THADA: variants seen among roughly 807,000 people sequenced by gnomAD.
The protein encoded by THADA is THADA armadillo repeat containing.
A neutral mutation model predicts 219.8 loss-of-function variants in THADA; 213 were observed. That is an observed-to-expected ratio of 0.97 (90% confidence interval 0.87 to 1.09). The LOEUF (loss-of-function observed/expected upper bound fraction) is 1.09. Ranked by LOEUF, THADA falls within the 50% of genes least tolerant of loss-of-function variation. The pLI, the probability that THADA is intolerant of heterozygous loss-of-function variation, is 0.00. For missense variants in THADA, 2,956 were observed against 2,311.3 expected (o/e 1.28, Z -5.72); for synonymous variants, 1,018 against 828.9 (o/e 1.23, Z -3.92).
In THADA at chr2:43,296,870, C is replaced by T. The variant is rs923083571; in HGVS notation, c.4439-3657G>A. ...GCCCGGGAGGCAGCGGCTGGAGGAGCGGACGGGCCCCGCGGGGCCCGAGGG... is the reference window on the plus strand; with the variant it reads ...GCCCGGGAGGCAGCGGCTGGAGGAGTGGACGGGCCCCGCGGGGCCCGAGGG... On this transcript the variant is annotated intron_variant, in intron 31 of 37. Transcript: ENST00000405975. 6.6e-5 allele frequency among the ~76,000 whole-genome samples: 10 copies of T among 151,448 alleles called. No individual in the cohort carries two copies. In the South Asian group the frequency reaches 1.5e-3, roughly 22 times the overall value.
chr2:43,536,602 G>A (rs750122554), intron 21 of THADA, among the ~76,000 whole-genome samples: 3 of 151,992 alleles, frequency 2.0e-5, no homozygotes, highest in Admixed American at 6.6e-5. Flanking sequence ...TGGACTCACA[G>A]GGTATAAATT....
chr2:43,288,828 T>C (rs1342236314), intron 34 of THADA, among the ~76,000 whole-genome samples: 1 of 152,266 alleles, frequency 6.6e-6, no homozygotes, highest in African/African-American at 2.4e-5. Flanking sequence ...TTCACTCATT[T>C]AAAGTGGCCA....
chr2:43,230,967 C>G lies in THADA; in HGVS notation c.5843G>C (p.Arg1948Thr). The part of the protein sequence containing the change: ...YAESRQLTLP[R>T]TEAAC ...TTTTCTTCAACATGCCGCTTCTGTT[C>G]TTGGAAGAGTTAACTGCCTCGATTC... The change falls in exon 38 of 38, where the codon AGA becomes ACA. Residue 1948 changes from arginine to threonine, a missense_variant. Physicochemically the swap from Arg to Thr is moderately conservative, Grantham distance 71. Coordinates refer to ENST00000405975, the MANE Select transcript of THADA (RefSeq NM_022065.5). 6.2e-7 allele frequency: 1 copy of G among 1,611,268 alleles called. No homozygotes were observed. The highest frequency in any genetic ancestry group is 8.5e-7 in the Non-Finnish European group (1 of 1,177,722).
At chr2:43,500,398 T>C (rs951980410) in intron 24 of THADA, among the ~76,000 whole-genome samples, 1 of 152,164 alleles carries the variant, frequency 6.6e-6, no homozygotes, top group East Asian at 1.9e-4. Context: ...TCTGTATATG[T>C]ACTATAATTC....
chr2:43,486,784 GC>G (rs896993085), intron 25 of THADA: 4 of 152,146 alleles, frequency 2.6e-5, no homozygotes, highest in Admixed American at 6.6e-5. Flanking sequence ...TTCAAGAGAA[GC>G]CAGGAACCCT....
chr2:43,340,136 G>C (rs1295763335), intron 30 of THADA, among the ~76,000 whole-genome samples: 19 of 152,104 alleles, frequency 1.2e-4, no homozygotes, highest in Admixed American at 9.8e-4. Context: ...AACTGCTTTA[G>C]ACAGTAAACT....
chr2:43,576,401 G>A (rs1185217983), intron 10 of THADA, among the ~76,000 whole-genome samples: 1 of 152,058 alleles, frequency 6.6e-6, no homozygotes, highest in East Asian at 1.9e-4. Context: ...GCTGTTTCAG[G>A]TTCTTATTAG....
intron 16 of THADA, 81 bp downstream of exon 16, chr2:43,560,153 T>G: frequency 8.0e-7 from 1 of 1,246,988 alleles, no homozygotes; most frequent in South Asian, 1.6e-5. Flanking sequence ...GCAAAGCACA[T>G]GAATAATCCT....
At position 43,589,965 on chromosome 2, in the gene THADA, A is replaced by T. The variant is rs946293774; in HGVS notation, c.302+859T>A. Among the ~76,000 whole-genome samples, 5 of 152,342 alleles carry T rather than the reference A, an allele frequency of 3.3e-5. No individual in the cohort carries two copies. In the South Asian group the frequency reaches 1.0e-3, roughly 32 times the overall value. ...TAAGACATTCTTTAGTGAAAAAACA[A>T]GCTACAGAGCATTCTGTAGAGTATA... is the stretch of plus-strand genomic sequence containing the variant. On this transcript the variant is annotated intron_variant, in intron 4 of 37. Transcript: ENST00000405975.
intron 36 of THADA, among the ~76,000 whole-genome samples, chr2:43,261,287 A>C (rs981649605): frequency 9.7e-5 from 13 of 134,356 alleles, no homozygotes; most frequent in African/African-American, 3.8e-4. Flanking sequence ...GCAGTGGTCC[A>C]ATCTCGGCTC....
intron 26 of THADA, among the ~76,000 whole-genome samples, chr2:43,459,268 C>G (rs1450203443): frequency 6.6e-6 from 1 of 152,162 alleles, no homozygotes; most frequent in Non-Finnish European, 1.5e-5. Context: ...CTCCTCTTTC[C>G]CAAATAAATA....
chr2:43,444,514 T>C (rs1197661663), intron 26 of THADA, among the ~76,000 whole-genome samples: 3 of 152,220 alleles, frequency 2.0e-5, no homozygotes, highest in Non-Finnish European at 2.9e-5. Flanking sequence ...ATCTGAGCTT[T>C]GGCCATTTTG....
At chr2:43,384,243 T>A (rs1672371505) in intron 29 of THADA, among the ~76,000 whole-genome samples, 1 of 152,150 alleles carries the variant, frequency 6.6e-6, no homozygotes. Context: ...ATAGAAGAAG[T>A]GATGATCTTC....
intron 4 of THADA, among the ~76,000 whole-genome samples, chr2:43,590,038 T>C (rs762350435): frequency 6.6e-6 from 1 of 152,150 alleles, no homozygotes; most frequent in Non-Finnish European, 1.5e-5. Context: ...AACACACATA[T>C]GCTGACCTCA....
chr2:43,385,857 T>C (rs1466582521), intron 29 of THADA, among the ~76,000 whole-genome samples: 1 of 151,802 alleles, frequency 6.6e-6, no homozygotes, highest in Non-Finnish European at 1.5e-5. Flanking sequence ...AAAAAACCTC[T>C]TAAATCCATT....
At chr2:43,370,762 G>C (rs1039145007) in intron 29 of THADA, among the ~76,000 whole-genome samples, 2 of 152,120 alleles carry the variant, frequency 1.3e-5, no homozygotes, top group Admixed American at 6.5e-5. Flanking sequence ...GAAATAAAAA[G>C]CTTCAAATGT....
chr2:43,269,638 A>G (rs1243010283), intron 36 of THADA, among the ~76,000 whole-genome samples: 1 of 152,256 alleles, frequency 6.6e-6, no homozygotes, highest in Non-Finnish European at 1.5e-5. Context: ...TGCAGCTGGC[A>G]GGAATGGGGG....
At chr2:43,567,611 A>G (rs779449588) in intron 14 of THADA, among the ~76,000 whole-genome samples, 1 of 152,156 alleles carries the variant, frequency 6.6e-6, no homozygotes, top group African/African-American at 2.4e-5. Context: ...TGGGCGAAAG[A>G]GCGAAACTCC....
chr2:43,290,129 C>T (rs1252961691), intron 34 of THADA, among the ~76,000 whole-genome samples: 2 of 151,834 alleles, frequency 1.3e-5, no homozygotes, highest in African/African-American at 2.4e-5. Context: ...CCCACCACCA[C>T]ACCCGTCTAA....
Sources: gnomAD v4.1 joint callset for allele counts (sites outside exome capture counted in the v4.1 genomes callset) on GRCh38, gnomAD v4.1.1 for gene constraint, MANE v1.5 for transcripts, NCBI Gene and HGNC (gene_info 2026-07-23, HGNC 2026-07-21) for gene names.